The following HCRTR2 variants were observed in gnomAD, a reference collection of about 807,000 sequenced individuals.
HCRTR2 encodes the protein orexin receptor type 2.
HCRTR2 carries 22 observed loss-of-function variants against 49.0 expected under a neutral mutation model. The ratio of observed to expected loss-of-function variants is 0.45; its 90% CI spans 0.32 to 0.64. The LOEUF is 0.64. HCRTR2 is among the 30% of genes least tolerant of loss of function. The pLI, the probability that HCRTR2 is intolerant of heterozygous loss-of-function variation, is 0.04. For missense variants in HCRTR2, 491 were observed against 559.4 expected, an observed-to-expected ratio of 0.88 and a Z score of 1.23; for synonymous variants, 236 against 205.3, an observed-to-expected ratio of 1.15 and a Z score of -1.28.
chr6:55,177,502 G>A (rs1391595250), intron 1 of HCRTR2, among the ~76,000 whole-genome samples: 1 of 152,122 alleles, frequency 6.6e-6, no homozygotes, highest in Non-Finnish European at 1.5e-5. Context: ...GATGTCACAT[G>A]ATTTATGCAA....
chr6:55,284,205 A>G (rs1308248056), downstream of HCRTR2, among the ~76,000 whole-genome samples: 1 of 152,136 alleles, frequency 6.6e-6, no homozygotes, highest in Non-Finnish European at 1.5e-5. Flanking sequence ...TTATAATTTA[A>G]AAGAGAGAAA....
chr6:55,158,899 C>T (rs1764766411), intron 1 of HCRTR2, among the ~76,000 whole-genome samples: 1 of 152,156 alleles, frequency 6.6e-6, no homozygotes, highest in Admixed American at 6.5e-5. Flanking sequence ...TTAAATATTG[C>T]CGCAAGCTGA....
intron 1 of HCRTR2, among the ~76,000 whole-genome samples, chr6:55,196,225 A>G (rs1465558091): frequency 6.6e-6 from 1 of 152,116 alleles, no homozygotes; most frequent in Non-Finnish European, 1.5e-5. Context: ...TTTCATGTAT[A>G]TGGTGGGGTG....
chr6:55,142,847 G>T (rs943088641), intron 1 of HCRTR2, among the ~76,000 whole-genome samples: 5 of 50,468 alleles, frequency 9.9e-5, no homozygotes, highest in Admixed American at 5.2e-4. Flanking sequence ...TCCATTAAAA[G>T]TGGTCAACAG....
At chr6:55,151,090 C>T (rs561453007) in intron 1 of HCRTR2, among the ~76,000 whole-genome samples, 3 of 151,984 alleles carry the variant, frequency 2.0e-5, no homozygotes, top group Non-Finnish European at 4.4e-5. Context: ...GAATTATAAT[C>T]TTTTTTGCAG....
chr6:55,275,015 T>G (rs1221916968), intron 4 of HCRTR2, among the ~76,000 whole-genome samples: 1 of 151,492 alleles, frequency 6.6e-6, no homozygotes, highest in Non-Finnish European at 1.5e-5. Context: ...TTTGGTCATC[T>G]TTGTCTTTCA....
intron 1 of HCRTR2, among the ~76,000 whole-genome samples, chr6:55,155,636 AGAG>A (rs1295018762): frequency 6.6e-6 from 1 of 152,068 alleles, no homozygotes; most frequent in Non-Finnish European, 1.5e-5. Context: ...TATTCATCAT[AGAG>A]GTTTGTGGAG....
chr6:55,213,450 T>C (rs1369668493), intron 1 of HCRTR2, among the ~76,000 whole-genome samples: 1 of 152,056 alleles, frequency 6.6e-6, no homozygotes, highest in Non-Finnish European at 1.5e-5. Flanking sequence ...GATATAGAAA[T>C]CTTCAGGACC....
At chr6:55,160,168 G>A (rs1764786784) in intron 1 of HCRTR2, among the ~76,000 whole-genome samples, 1 of 152,156 alleles carries the variant, frequency 6.6e-6, no homozygotes, top group African/African-American at 2.4e-5. Context: ...CCAGAAGAGA[G>A]TGAAGGCCAA....
intron 1 of HCRTR2, among the ~76,000 whole-genome samples, chr6:55,224,077 G>A (rs1163089361): frequency 6.6e-6 from 1 of 152,098 alleles, no homozygotes; most frequent in African/African-American, 2.4e-5. Context: ...TATCTTGTAA[G>A]TATTCTTTAG....
intron 1 of HCRTR2, among the ~76,000 whole-genome samples, chr6:55,157,314 C>T (rs1379649740): frequency 6.6e-6 from 1 of 152,098 alleles, no homozygotes; most frequent in Non-Finnish European, 1.5e-5. Context: ...AGGAATTTAC[C>T]AAGAATGTAC....
intron 1 of HCRTR2, among the ~76,000 whole-genome samples, chr6:55,241,076 A>G (rs1291553934): frequency 1.3e-5 from 2 of 149,168 alleles, no homozygotes; most frequent in Non-Finnish European, 3.0e-5. Context: ...GCACCCATTA[A>G]CTCGTCATTT....
At chr6:55,195,800 C>A (rs575788599) in intron 1 of HCRTR2, among the ~76,000 whole-genome samples, 5 of 152,120 alleles carry the variant, frequency 3.3e-5, no homozygotes, top group African/African-American at 1.2e-4. Flanking sequence ...AACCCCGTCT[C>A]TACTAAAAAT....
chr6:55,113,473 A>G lies in HCRTR2; in HGVS notation c.-378+6928A>G, dbSNP rs538094714. Among the ~76,000 whole-genome samples, 3 of 152,198 alleles carry G rather than the reference A, an allele frequency of 2.0e-5. No individual in the cohort carries two copies. The East Asian group carries it at 5.8e-4, about 29-fold the overall frequency. On this transcript the variant is annotated intron_variant, in intron 1 of 7. Coordinates refer to the HCRTR2 transcript ENST00000615358. ...TCCCATCCAAAAGTGGGCTAAGGAC[A>G]TGAATAGACATTTCTCAAAAGAAGA... is the stretch of plus-strand genomic sequence containing the variant.
intron 1 of HCRTR2, among the ~76,000 whole-genome samples, chr6:55,125,861 A>G (rs1194294390): frequency 1.3e-5 from 2 of 151,830 alleles, no homozygotes; most frequent in African/African-American, 2.4e-5. Flanking sequence ...TATTTCATTA[A>G]GTTGACCTTC....
At position 55,262,407 on chromosome 6, in the gene HCRTR2, TTA is replaced by T. The variant is rs1314084942; in HGVS notation, c.647-1296_647-1295del. Among the ~76,000 whole-genome samples, 4 of 137,170 alleles carry T rather than the reference TTA, an allele frequency of 2.9e-5. 1 individual carries two copies. Among genetic ancestry groups the T allele is most frequent in the South Asian group, 4.3e-4 (2 of 4,662 alleles). The allele number at this position is 137,170 out of a possible 152,430, so 90.0% of individuals were successfully genotyped here. On this transcript the variant is annotated intron_variant, in intron 3 of 6. Transcript: ENST00000370862. ...ATATTATATATAAATATATAATGTA[TTA>T]TATGTTATATATAATATTACATATA...
chr6:55,222,155 G>A (rs1263230643), intron 1 of HCRTR2, among the ~76,000 whole-genome samples: 1 of 152,180 alleles, frequency 6.6e-6, no homozygotes, highest in East Asian at 1.9e-4. Context: ...GGACCTGATG[G>A]ATATCTCTCC....
At chr6:55,166,331 C>T (rs965401546) in intron 1 of HCRTR2, among the ~76,000 whole-genome samples, 1 of 150,848 alleles carries the variant, frequency 6.6e-6, no homozygotes, top group African/African-American at 2.4e-5. Context: ...CAGGGTAATG[C>T]TGTTCTTGTT....
At chr6:55,199,881 A>G (rs1765480545) in intron 1 of HCRTR2, among the ~76,000 whole-genome samples, 2 of 152,224 alleles carry the variant, frequency 1.3e-5, no homozygotes, top group Admixed American at 6.5e-5. Flanking sequence ...TAAATTCATC[A>G]CAGGTTTATT....
Sources: allele counts gnomAD v4.1 joint callset (sites outside exome capture counted in the v4.1 genomes callset), GRCh38; gene constraint gnomAD v4.1.1; transcripts MANE v1.5; gene names NCBI Gene and HGNC (gene_info 2026-07-23, HGNC 2026-07-21).